Variants in FAM135A observed in about 807,000 individuals in gnomAD.
FAM135A encodes protein FAM135A.
In FAM135A, 79 loss-of-function variants were observed where a neutral mutation model predicts 146.8. The ratio of observed to expected loss-of-function variants is 0.54; its 90% CI spans 0.45 to 0.65. The LOEUF (loss-of-function observed/expected upper bound fraction) is 0.65, where lower values mean the gene tolerates loss of function less well. Among genes scored for constraint, FAM135A ranks in the 30% least tolerant of loss-of-function variants. The probability of loss-of-function intolerance (pLI) is 0.00; values close to 1 mark genes in which losing one functional copy is unlikely to be tolerated. For missense variants in FAM135A, 1,623 were observed against 1,758.2 expected, an observed-to-expected ratio of 0.92 and a Z score of 1.38; for synonymous variants, 562 against 603.6, an observed-to-expected ratio of 0.93 and a Z score of 1.01.
intron 4 of FAM135A, among the ~76,000 whole-genome samples, chr6:70,435,103 ATATATAT>A (rs1241444627): frequency 4.7e-4 from 49 of 104,632 alleles, no homozygotes; most frequent in African/African-American, 1.4e-3. Context: ...ATATATATAT[ATATATAT>A]TTTTTTTTTT....
At chr6:70,553,765 TATAAA>T (rs1180356540) in intron 20 of FAM135A, among the ~76,000 whole-genome samples, 1 of 152,066 alleles carries the variant, frequency 6.6e-6, no homozygotes, top group Non-Finnish European at 1.5e-5. Context: ...GAAAGAAACA[TATAAA>T]ATAAAACTCT....
Position 70,442,238 on chromosome 6 carries a change from G to GT in FAM135A, c.78-10254_78-10253insT, listed in dbSNP as rs147268217. On this transcript the variant is annotated intron_variant, in intron 4 of 21. Transcript: ENST00000418814. ...CATAAATATTTAAAATTTCTTCATG[G>GT]GTTTTTTTTTTTTTTTTTTGCCGAG... 2.4e-3 allele frequency among the ~76,000 whole-genome samples: 327 copies of GT among 136,356 alleles called. 6 individuals carry two copies. The highest frequency in any genetic ancestry group is 8.1e-3 in the Middle Eastern group (2 of 246). 89.5% of individuals were successfully genotyped at this position (136,356 alleles called of 152,430 possible).
intron 12 of FAM135A, among the ~76,000 whole-genome samples, chr6:70,519,738 TAAG>T (rs148417207): frequency 0.02 from 3,053 of 152,320 alleles, 104 homozygotes; most frequent in African/African-American, 0.069. Context: ...ATTGCACACT[TAAG>T]AGACTACAGT....
At chr6:70,462,447 A>T in intron 5 of FAM135A, among the ~76,000 whole-genome samples, 1 of 152,186 alleles carries the variant, frequency 6.6e-6, no homozygotes, top group East Asian at 1.9e-4. Flanking sequence ...CCCAGCACAC[A>T]GTATTTAGTA....
chr6:70,472,336 G>A (rs1781784509), intron 5 of FAM135A, among the ~76,000 whole-genome samples: 4 of 152,058 alleles, frequency 2.6e-5, no homozygotes, highest in Admixed American at 2.6e-4. Flanking sequence ...TGAGTTTCTG[G>A]TCTGCTTGGT....
intron 5 of FAM135A, among the ~76,000 whole-genome samples, chr6:70,463,125 A>C (rs1332466420): frequency 6.6e-6 from 1 of 152,208 alleles, no homozygotes; most frequent in Non-Finnish European, 1.5e-5. Context: ...CAGTTTCTCA[A>C]GTTTGATGGG....
At position 70,556,756 on chromosome 6, in the gene FAM135A, A is replaced by G; in HGVS notation, c.4235A>G (p.His1412Arg). The G allele has an allele frequency of 6.2e-7, 1 of 1,602,386 alleles. No individual in the cohort carries two copies. Among genetic ancestry groups the G allele is most frequent in the Non-Finnish European group, 8.5e-7 (1 of 1,175,002 alleles). The change falls in exon 21 of 22, where the codon CAT (histidine) becomes CGT (arginine). Residue 1412 changes from histidine to arginine, a missense_variant. Coordinates refer to ENST00000418814, the MANE Select transcript of FAM135A (RefSeq NM_001162529.3). ...TATTATATTCTATTCACAGGGCTTC[A>G]TTATTTCAAAAATGTTGTGCTAGTG... ...LYKLSNKAGL[H>R]YFKNVVLVGS...
At chr6:70,428,488 A>G in intron 4 of FAM135A, 69 bp downstream of exon 4, 2 of 1,039,410 alleles carry the variant, frequency 1.9e-6, no homozygotes, top group Non-Finnish European at 1.4e-6. Flanking sequence ...ATTTAATTAC[A>G]TATTTTTATT....
At chr6:70,463,594 T>C (rs536539724) in intron 5 of FAM135A, among the ~76,000 whole-genome samples, 15 of 152,232 alleles carry the variant, frequency 9.9e-5, no homozygotes, top group African/African-American at 3.1e-4. Flanking sequence ...TTAGCTTATG[T>C]TGTTATAATT....
At position 70,477,187 on chromosome 6, in the gene FAM135A, A is replaced by G. The variant is rs1270492653; in HGVS notation, c.397A>G (p.Ile133Val). The change falls in exon 8 of 22, where the codon ATA becomes GTA. Residue 133 changes from isoleucine (I) to valine (V), a missense_variant. Transcript: ENST00000418814. The stretch of plus-strand genomic sequence containing the variant: ...AGATGATCTGAATGCCTTGCAACTA[A>G]TAAGTAGCCGAACATTGAAGCTGCA... Reference protein sequence around the residue: ...SADDLNALQLISSRTLKLHFS... With the variant: ...SADDLNALQLVSSRTLKLHFS... 1 of 1,613,432 alleles carries G rather than the reference A, an allele frequency of 6.2e-7. No individual in the cohort carries two copies. Among genetic ancestry groups the G allele is most frequent in the African/African-American group, 1.3e-5 (1 of 75,016 alleles).
At chr6:70,517,436 T>A (rs1011826020) in intron 12 of FAM135A, among the ~76,000 whole-genome samples, 8 of 147,808 alleles carry the variant, frequency 5.4e-5, no homozygotes, top group Non-Finnish European at 1.2e-4. Context: ...TTTTTTTTTT[T>A]AGATGGAGTT....
rs375429629 is a variant in FAM135A, at chr6:70,524,779, G to A, written c.1695G>A (p.Met565Ile). The change falls in exon 15 of 22, where the codon ATG (methionine) becomes ATA (isoleucine). Residue 565 changes from methionine (M) to isoleucine (I), a missense_variant. By Grantham distance (10) the Met-to-Ile change is conservative. Coordinates refer to ENST00000418814, the MANE Select transcript of FAM135A (RefSeq NM_001162529.3). ...CGYNFDPKTY[M>I]RQTSQKEASC... ...ATAATTTTGACCCAAAGACCTACAT[G>A]AGACAGACAAGTCAAAAGGAAGCTA... 79 of 1,551,588 alleles carry A rather than the reference G, an allele frequency of 5.1e-5. No homozygotes were observed. In the East Asian group the frequency reaches 8.6e-4, roughly 17 times the overall value.
rs1171000090 is a variant in FAM135A, at chr6:70,560,837, G to C, written c.*916G>C. On this transcript the variant is annotated 3_prime_UTR_variant, in exon 22 of 22. Transcript: ENST00000418814. The stretch of plus-strand genomic sequence containing the variant: ...AAAATTTATTGAACTAAAAAGTAAT[G>C]TAAATAAAATAATTCATGTTAAAGA... 2 of 152,462 alleles carry C rather than the reference G, an allele frequency of 1.3e-5. No individual in the cohort carries two copies. The highest frequency in any genetic ancestry group is 2.9e-5 in the Non-Finnish European group (2 of 67,986). 9.4% of individuals were successfully genotyped at this position (152,462 alleles called of 1,614,324 possible).
At chr6:70,516,530 C>CTTTTTTTTTTTTTTTTT in intron 12 of FAM135A, among the ~76,000 whole-genome samples, 1 of 84,958 alleles carries the variant, frequency 1.2e-5, no homozygotes, top group Non-Finnish European at 2.2e-5. Context: ...ATTTTCTTTT[C>CTTTTTTTTTTTTTTTTT]TTTTTTTTTT....
At chr6:70,482,297 T>G (rs1783876528) in intron 10 of FAM135A, 143 bp downstream of exon 10, 1 of 761,778 alleles carries the variant, frequency 1.3e-6, no homozygotes, top group Admixed American at 3.8e-5. Flanking sequence ...TTCCATCTTT[T>G]TCTACCTTGA....
At chr6:70,480,455 C>T (rs186246926) in intron 8 of FAM135A, among the ~76,000 whole-genome samples, 25 of 152,258 alleles carry the variant, frequency 1.6e-4, no homozygotes, top group African/African-American at 6.0e-4. Context: ...GAAATAGAGG[C>T]ATCAGGTAGA....
At chr6:70,487,409 T>A (rs567870178) in intron 10 of FAM135A, among the ~76,000 whole-genome samples, 37 of 152,178 alleles carry the variant, frequency 2.4e-4, no homozygotes, top group Non-Finnish European at 3.8e-4. Context: ...CACAATTTTT[T>A]AAAAAATTAT....
intron 5 of FAM135A, among the ~76,000 whole-genome samples, chr6:70,467,600 G>T (rs913798690): frequency 3.3e-5 from 5 of 151,484 alleles, no homozygotes; most frequent in African/African-American, 1.2e-4. Context: ...TTCTCTTCTT[G>T]GCTCTACTAT....
At chr6:70,535,523 G>A (rs151119342) in intron 18 of FAM135A, among the ~76,000 whole-genome samples, 146 of 152,186 alleles carry the variant, frequency 9.6e-4, no homozygotes, top group African/African-American at 3.0e-3. Flanking sequence ...CTGCCCATGC[G>A]AGGGATCTAG....
Sources: gnomAD v4.1 joint callset for allele counts (sites outside exome capture counted in the v4.1 genomes callset) on GRCh38, gnomAD v4.1.1 for gene constraint, MANE v1.5 for transcripts, NCBI Gene and HGNC (gene_info 2026-07-23, HGNC 2026-07-21) for gene names.